The following KCNAB1 variants were observed in gnomAD, a reference collection of about 807,000 sequenced individuals.
KCNAB1 encodes potassium voltage-gated channel subfamily A regulatory beta subunit 1.
KCNAB1 carries 35 observed loss-of-function variants against 64.6 expected under a neutral mutation model. That is an observed-to-expected ratio of 0.54 (90% CI 0.41 to 0.72). The LOEUF is 0.72. Ranked by LOEUF, KCNAB1 falls within the 30% of genes least tolerant of loss-of-function variation. The probability of loss-of-function intolerance (pLI) is 0.00; values close to 1 mark genes in which losing one functional copy is unlikely to be tolerated. For missense variants in KCNAB1, 401 were observed against 512.9 expected (o/e 0.78, Z 2.11); for synonymous variants, 177 against 183.8 (o/e 0.96, Z 0.30).
chr3:156,201,963 G>A (rs913086382), intron 1 of KCNAB1, among the ~76,000 whole-genome samples: 5 of 152,144 alleles, frequency 3.3e-5, no homozygotes, highest in African/African-American at 1.2e-4. Context: ...GCACAATTGG[G>A]CTGGGGCTCC....
chr3:156,169,512 G>A (rs1321442526), intron 1 of KCNAB1, among the ~76,000 whole-genome samples: 1 of 152,154 alleles, frequency 6.6e-6, no homozygotes, highest in Non-Finnish European at 1.5e-5. Flanking sequence ...TGCCTTATGG[G>A]CTCTCTGGGT....
At chr3:156,147,375 G>A (rs1330294771) in intron 1 of KCNAB1, among the ~76,000 whole-genome samples, 1 of 152,140 alleles carries the variant, frequency 6.6e-6, no homozygotes, top group Non-Finnish European at 1.5e-5. Flanking sequence ...GTTCCTAGAG[G>A]ATCTTTCCTG....
chr3:156,408,572 G>A lies in KCNAB1; in HGVS notation c.276-13044G>A, dbSNP rs149927365. Among the ~76,000 whole-genome samples, 954 of 152,288 alleles carry A rather than the reference G, an allele frequency of 6.3e-3. 13 individuals are homozygous for A. The highest frequency in any genetic ancestry group is 0.022 in the African/African-American group (929 of 41,548). On this transcript the variant is annotated intron_variant, in intron 1 of 13. Transcript: ENST00000490337. ...AGGTGGGTGGATCACTTGAGGTCAAGAGTTCGAGACCAGCCTGGCCAACAT... is the reference window on the plus strand; with the variant it reads ...AGGTGGGTGGATCACTTGAGGTCAAAAGTTCGAGACCAGCCTGGCCAACAT...
At chr3:156,128,107 A>G (rs917240702) in intron 1 of KCNAB1, among the ~76,000 whole-genome samples, 2 of 152,182 alleles carry the variant, frequency 1.3e-5, no homozygotes, top group African/African-American at 4.8e-5. Context: ...CTCATGTAAC[A>G]GTAGGAAAAT....
At chr3:156,372,391 A>G (rs970773902) in intron 1 of KCNAB1, among the ~76,000 whole-genome samples, 5 of 152,226 alleles carry the variant, frequency 3.3e-5, no homozygotes, top group Admixed American at 3.3e-4. Context: ...GATTAAGTTT[A>G]AAACAGTGGT....
At chr3:156,130,226 C>T (rs1246437015) in intron 1 of KCNAB1, among the ~76,000 whole-genome samples, 1 of 152,198 alleles carries the variant, frequency 6.6e-6, no homozygotes, top group Non-Finnish European at 1.5e-5. Flanking sequence ...TTATTACCTT[C>T]TGCACTGGAC....
chr3:156,205,307 G>C lies in KCNAB1; in HGVS notation c.275+84421G>C, dbSNP rs572479843. On this transcript the variant is annotated intron_variant, in intron 1 of 13. Transcript: ENST00000490337. Reference sequence around the variant, plus strand: ...CTTGGTATGAATTTTTGGTTTCCGTGTTTTAATTTAAGCCAAAATATTTTT... The same window carrying C: ...CTTGGTATGAATTTTTGGTTTCCGTCTTTTAATTTAAGCCAAAATATTTTT... Among the ~76,000 whole-genome samples, 307 of 152,130 alleles carry C rather than the reference G, an allele frequency of 2.0e-3. 1 individual carries two copies. Among genetic ancestry groups the C allele is most frequent in the Non-Finnish European group, 3.2e-3 (217 of 67,974 alleles).
intron 1 of KCNAB1, among the ~76,000 whole-genome samples, chr3:156,300,677 T>TA (rs779656307): frequency 4.6e-5 from 7 of 151,520 alleles, no homozygotes; most frequent in Admixed American, 2.0e-4. Context: ...TGTAAAACAT[T>TA]AAAAAAAAAT....
chr3:156,258,706 A>G (rs1458743334), intron 1 of KCNAB1, among the ~76,000 whole-genome samples: 2 of 152,174 alleles, frequency 1.3e-5, no homozygotes, highest in African/African-American at 4.8e-5. Context: ...TATTTTTCTC[A>G]TTTACCTACA....
chr3:156,393,735 ATTCCCTCTTTCT>A (rs1221407418), intron 1 of KCNAB1, among the ~76,000 whole-genome samples: 1 of 152,186 alleles, frequency 6.6e-6, no homozygotes, highest in East Asian at 1.9e-4. Flanking sequence ...TTCTTCCTCC[ATTCCCTCTTTCT>A]AGGGAGGGTT....
chr3:156,396,891 G>A (rs1486578717), intron 1 of KCNAB1, among the ~76,000 whole-genome samples: 1 of 152,190 alleles, frequency 6.6e-6, no homozygotes, highest in African/African-American at 2.4e-5. Context: ...CTTCAGTTCA[G>A]ATGCGTTTCT....
chr3:156,177,604 C>A (rs1159080733), intron 1 of KCNAB1, among the ~76,000 whole-genome samples: 2 of 151,984 alleles, frequency 1.3e-5, no homozygotes, highest in African/African-American at 4.8e-5. Context: ...GTCTCGATCT[C>A]CTGACCTCGT....
chr3:156,122,699 T>C (rs1420782675), intron 1 of KCNAB1, among the ~76,000 whole-genome samples: 2 of 152,212 alleles, frequency 1.3e-5, no homozygotes, highest in Non-Finnish European at 2.9e-5. Context: ...AGAGTGAAGA[T>C]ATGTCCACCT....
At chr3:156,491,989 T>C (rs751385152) in intron 8 of KCNAB1, among the ~76,000 whole-genome samples, 13 of 152,098 alleles carry the variant, frequency 8.5e-5, no homozygotes, top group Admixed American at 2.0e-4. Context: ...TTTTAAAACA[T>C]CAAGACACAG....
chr3:156,332,627 A>G (rs959828219), intron 1 of KCNAB1, among the ~76,000 whole-genome samples: 7 of 152,158 alleles, frequency 4.6e-5, no homozygotes, highest in African/African-American at 1.4e-4. Flanking sequence ...CATGCTCAAT[A>G]AACTTCCACC....
At chr3:156,287,256 CAT>C (rs1393432842) in intron 1 of KCNAB1, among the ~76,000 whole-genome samples, 4 of 149,918 alleles carry the variant, frequency 2.7e-5, no homozygotes, top group Non-Finnish European at 5.9e-5. Flanking sequence ...AAGAATTCCA[CAT>C]GTTACATAAC....
At chr3:156,359,111 G>A (rs902564212) in intron 1 of KCNAB1, among the ~76,000 whole-genome samples, 1 of 152,188 alleles carries the variant, frequency 6.6e-6, no homozygotes, top group African/African-American at 2.4e-5. Flanking sequence ...CTGAAGAGGT[G>A]TATATATTAC....
rs971541873 is a variant in KCNAB1, at chr3:156,349,041, C to T, written c.276-72575C>T. ...CAAGAAACATCCTGGTGTTTCGCAG[C>T]AGGAGCTACTGTTTCCCCTACTTTA... On this transcript the variant is annotated intron_variant, in intron 1 of 13. Coordinates refer to ENST00000490337, the MANE Select transcript of KCNAB1 (RefSeq NM_172160.3). 2.6e-5 allele frequency among the ~76,000 whole-genome samples: 4 copies of T among 152,218 alleles called. No individual in the cohort carries two copies. The East Asian group carries it at 5.8e-4, about 22-fold the overall frequency.
At chr3:156,323,381 T>C (rs936783502) in intron 1 of KCNAB1, among the ~76,000 whole-genome samples, 12 of 152,188 alleles carry the variant, frequency 7.9e-5, no homozygotes, top group Admixed American at 2.6e-4. Flanking sequence ...ACTTCTCCTT[T>C]ATCCAGTGTA....
Sources: allele counts gnomAD v4.1 joint callset (sites outside exome capture counted in the v4.1 genomes callset), GRCh38; gene constraint gnomAD v4.1.1; transcripts MANE v1.5; gene names NCBI Gene and HGNC (gene_info 2026-07-23, HGNC 2026-07-21).